CCSER1: variants seen among roughly 807,000 people sequenced by gnomAD.
CCSER1 encodes coiled-coil serine rich protein 1.
CCSER1 carries 41 observed loss-of-function variants against 82.0 expected under a neutral mutation model. The ratio of observed to expected loss-of-function variants is 0.50; its 90% CI spans 0.39 to 0.65. The LOEUF is 0.65. Ranked by LOEUF, CCSER1 falls within the 30% of genes least tolerant of loss-of-function variation. The probability of loss-of-function intolerance (pLI) is 0.00; values close to 1 mark genes in which losing one functional copy is unlikely to be tolerated. For missense variants in CCSER1, 1,119 were observed against 1,064.2 expected (o/e 1.05, Z -0.72); for synonymous variants, 414 against 383.9 (o/e 1.08, Z -0.92).
chr4:91,051,074 T>C (rs1004619209), intron 9 of CCSER1, among the ~76,000 whole-genome samples: 5 of 152,174 alleles, frequency 3.3e-5, no homozygotes, highest in African/African-American at 1.2e-4. Context: ...CATTCATAAA[T>C]AGGAAAACTT....
Position 91,375,743 on chromosome 4 carries a change from GAA to G in CCSER1, c.2218-222827_2218-222826del, listed in dbSNP as rs1337886096. Among the ~76,000 whole-genome samples the G allele has an allele frequency of 2.6e-5, 4 of 152,080 alleles. No homozygotes were observed. The East Asian group carries it at 7.7e-4, about 29-fold the overall frequency. On this transcript the variant is annotated intron_variant, in intron 10 of 10. Transcript: ENST00000509176. ...AAAGTGAAACAAATAGCTGATAAAA[GAA>G]AGACTTATTTCAACAAATAACAAAT...
intron 1 of CCSER1, among the ~76,000 whole-genome samples, chr4:90,227,038 C>T (rs868814965): frequency 4.6e-5 from 7 of 152,168 alleles, no homozygotes; most frequent in South Asian, 2.1e-4. Flanking sequence ...CTCTTTTTTC[C>T]CCCCACAAAT....
intron 5 of CCSER1, among the ~76,000 whole-genome samples, chr4:90,609,503 G>T (rs544783820): frequency 7.9e-5 from 12 of 152,192 alleles, no homozygotes; most frequent in Admixed American, 4.6e-4. Context: ...TATTCTGAAA[G>T]AATAAATAAA....
intron 5 of CCSER1, among the ~76,000 whole-genome samples, chr4:90,592,694 A>G (rs1353807678): frequency 6.6e-6 from 1 of 151,908 alleles, no homozygotes; most frequent in Non-Finnish European, 1.5e-5. Context: ...GTGTTGTATT[A>G]GCTTTCTTTT....
intron 1 of CCSER1, among the ~76,000 whole-genome samples, chr4:90,216,290 A>T (rs1367569): frequency 2.0e-5 from 3 of 152,036 alleles, no homozygotes; most frequent in Non-Finnish European, 2.9e-5. Context: ...GCGCTTCACT[A>T]GTTGCCAGAT....
intron 10 of CCSER1, among the ~76,000 whole-genome samples, chr4:91,573,373 C>G (rs559405733): frequency 3.3e-5 from 5 of 152,280 alleles, no homozygotes; most frequent in African/African-American, 1.2e-4. Flanking sequence ...CCTGGATTCA[C>G]CCTCTTTCCT....
At chr4:91,238,452 G>A (rs1405145903) in intron 10 of CCSER1, among the ~76,000 whole-genome samples, 1 of 152,104 alleles carries the variant, frequency 6.6e-6, no homozygotes, top group Non-Finnish European at 1.5e-5. Context: ...CCTTAGCAGA[G>A]AACCCAATAT....
intron 1 of CCSER1, among the ~76,000 whole-genome samples, chr4:90,263,140 C>G (rs965450868): frequency 1.3e-5 from 2 of 152,190 alleles, no homozygotes; most frequent in Non-Finnish European, 2.9e-5. Context: ...TTCCCACCAG[C>G]GGAAAGATCT....
chr4:91,328,909 A>T (rs1451023701), intron 10 of CCSER1, among the ~76,000 whole-genome samples: 1 of 152,028 alleles, frequency 6.6e-6, no homozygotes, highest in Non-Finnish European at 1.5e-5. Context: ...AATAGGTCTC[A>T]TGAGATCTGA....
chr4:90,901,463 C>A (rs1356693403), intron 8 of CCSER1, among the ~76,000 whole-genome samples: 1 of 151,848 alleles, frequency 6.6e-6, no homozygotes, highest in Non-Finnish European at 1.5e-5. Flanking sequence ...TTCCTTTGAA[C>A]ATTTATTATA....
chr4:90,979,279 TTCAG>T (rs1374976895), intron 9 of CCSER1, among the ~76,000 whole-genome samples: 1 of 151,702 alleles, frequency 6.6e-6, no homozygotes, highest in African/African-American at 2.4e-5. Flanking sequence ...TATTCATTCA[TTCAG>T]TCATTCATCA....
chr4:91,279,171 G>A lies in CCSER1; in HGVS notation c.2217+193177G>A, dbSNP rs540945983. Among the ~76,000 whole-genome samples, 69 of 151,990 alleles carry A rather than the reference G, an allele frequency of 4.5e-4. No homozygotes were observed. In the South Asian group the frequency reaches 0.013, roughly 29 times the overall value. The stretch of plus-strand genomic sequence containing the variant: ...GATGGAATTGCCTTAGAAGTGAGTC[G>A]ATGCTTTTCTGTTGCTGTTTTTAAA... On this transcript the variant is annotated intron_variant, in intron 10 of 10. Transcript: ENST00000509176.
At chr4:90,394,431 C>T (rs779123759) in intron 3 of CCSER1, among the ~76,000 whole-genome samples, 1 of 152,096 alleles carries the variant, frequency 6.6e-6, no homozygotes, top group Non-Finnish European at 1.5e-5. Context: ...GTCAGTATGG[C>T]TGAAAGATTT....
chr4:90,451,910 T>C (rs899757908), intron 4 of CCSER1, among the ~76,000 whole-genome samples: 10 of 152,178 alleles, frequency 6.6e-5, no homozygotes, highest in Non-Finnish European at 1.5e-4. Flanking sequence ...TGACACTTAA[T>C]GAGAGACCCA....
intron 1 of CCSER1, among the ~76,000 whole-genome samples, chr4:90,167,114 T>G (rs1730600866): frequency 6.6e-6 from 1 of 152,010 alleles, no homozygotes; most frequent in Non-Finnish European, 1.5e-5. Flanking sequence ...GCAATGTAAT[T>G]TTGGATTTCC....
In CCSER1 at chr4:90,747,079, A is replaced by G. The variant is rs558585148; in HGVS notation, c.2010+23088A>G. Reference sequence around the variant, plus strand: ...AAGAGGCAGAGGTAGAGAGAAGAGAAAAGGAGGGTAAGGGAGGAGATGGGA... The same window carrying G: ...AAGAGGCAGAGGTAGAGAGAAGAGAGAAGGAGGGTAAGGGAGGAGATGGGA... On this transcript the variant is annotated intron_variant, in intron 7 of 10. Transcript: ENST00000509176. Among the ~76,000 whole-genome samples, 6 of 152,312 alleles carry G rather than the reference A, an allele frequency of 3.9e-5. No individual in the cohort carries two copies. In the South Asian group the frequency reaches 1.2e-3, roughly 32 times the overall value.
At chr4:91,161,994 G>A (rs563746562) in intron 10 of CCSER1, among the ~76,000 whole-genome samples, 2 of 152,254 alleles carry the variant, frequency 1.3e-5, no homozygotes, top group Admixed American at 6.5e-5. Context: ...GGTGAGAGAG[G>A]CATCCTTGTC....
At chr4:90,945,017 C>A (rs1481102346) in intron 9 of CCSER1, among the ~76,000 whole-genome samples, 1 of 152,114 alleles carries the variant, frequency 6.6e-6, no homozygotes. Flanking sequence ...ATTTTGGTTT[C>A]TCTTCCGTGT....
intron 1 of CCSER1, among the ~76,000 whole-genome samples, chr4:90,299,486 T>A (rs1397022156): frequency 2.0e-5 from 3 of 152,178 alleles, no homozygotes; most frequent in Non-Finnish European, 1.5e-5. Flanking sequence ...GATTTCTGGC[T>A]TTTTCTACCT....
Sources: gnomAD v4.1 joint callset for allele counts (sites outside exome capture counted in the v4.1 genomes callset) on GRCh38, gnomAD v4.1.1 for gene constraint, MANE v1.5 for transcripts, NCBI Gene and HGNC (gene_info 2026-07-23, HGNC 2026-07-21) for gene names.